The following CCDC39 variants were observed in gnomAD, a reference collection of about 807,000 sequenced individuals.
The protein encoded by CCDC39 is coiled-coil domain-containing protein 39.
In CCDC39, 113 loss-of-function variants were observed where a neutral mutation model predicts 121.0. The observed-to-expected ratio is 0.93, with a 90% confidence interval of 0.80 to 1.09. The LOEUF (loss-of-function observed/expected upper bound fraction) is 1.09, where lower values mean the gene tolerates loss of function less well. CCDC39 is among the 50% of genes least tolerant of loss of function. CCDC39 has a pLI of 0.00. For synonymous variants in CCDC39, 349 were observed against 352.2 expected, an observed-to-expected ratio of 0.99 and a Z score of 0.10; for missense variants, 1,063 against 1,074.7, an observed-to-expected ratio of 0.99 and a Z score of 0.15.
At chr3:180,644,326 T>C (rs2108420089) in intron 11 of CCDC39, 69 bp from the exon 12 acceptor site, 1 of 872,994 alleles carries the variant, frequency 1.1e-6, no homozygotes, top group Non-Finnish European at 1.7e-6. Flanking sequence ...ATACATGCTG[T>C]ATTATATATA....
rs1416217219 is a variant in CCDC39, at chr3:180,663,894, A to G, written c.183T>C (p.Asn61=). The G allele has an allele frequency of 6.2e-7, 1 of 1,612,834 alleles. No individual in the cohort carries two copies. The highest frequency in any genetic ancestry group is 8.5e-7 in the Non-Finnish European group (1 of 1,179,530). The change falls in exon 2 of 20, where the codon AAT becomes AAC. Residue 61 remains asparagine, a synonymous_variant. Transcript: ENST00000476379. Reference sequence around the variant, plus strand: ...GTGTAATTGAGAGCTCTTGCTTAACATTTTTGAAGTGAGAAGTCATAGAAT... The same window carrying G: ...GTGTAATTGAGAGCTCTTGCTTAACGTTTTTGAAGTGAGAAGTCATAGAAT... ...RINSMTSHFK[N]VKQELSITQS... is the part of the protein sequence containing the mutation.
At chr3:180,617,553 C>T (rs1397405228) in intron 16 of CCDC39, 2 of 599,322 alleles carry the variant, frequency 3.3e-6, no homozygotes, top group South Asian at 4.6e-5. Flanking sequence ...TATTGATGAT[C>T]CTGACCACGG....
rs375584305 is a variant in CCDC39, at chr3:180,632,158, ACTAC to A, written c.1875-570_1875-567del. Among the ~76,000 whole-genome samples, 68 of 152,364 alleles carry A rather than the reference ACTAC, an allele frequency of 4.5e-4. 2 individuals are homozygous for A. In the East Asian group the frequency reaches 0.011, roughly 25 times the overall value. ...CCTAACTTTTGCTCCAGAAGGAGAT[ACTAC>A]CTCTAGTTTCTGAGGCTGTTTGCTA... is the stretch of plus-strand genomic sequence containing the variant. On this transcript the variant is annotated intron_variant, in intron 13 of 19. Coordinates refer to ENST00000476379, the MANE Select transcript of CCDC39 (RefSeq NM_181426.2).
At chr3:180,652,872 C>CA (rs1349934227) in intron 7 of CCDC39, among the ~76,000 whole-genome samples, 8 of 151,738 alleles carry the variant, frequency 5.3e-5, no homozygotes, top group Middle Eastern at 6.8e-3. Flanking sequence ...ACAAGCAATC[C>CA]AAAAAAGAAA....
At chr3:180,642,254 C>A in intron 12 of CCDC39, 53 bp from the exon 13 acceptor site, 4 of 1,241,878 alleles carry the variant, frequency 3.2e-6, no homozygotes, top group East Asian at 2.6e-5. Flanking sequence ...ATTGCAAAAC[C>A]AAAATTTTTT....
intron 16 of CCDC39, among the ~76,000 whole-genome samples, chr3:180,618,159 A>G (rs1167572176): frequency 1.3e-5 from 2 of 152,198 alleles, no homozygotes; most frequent in Non-Finnish European, 2.9e-5. Flanking sequence ...GTACACTCTT[A>G]TGATGTTCAC....
rs1374101207 is a variant in CCDC39, at chr3:180,651,386, A to G, written c.1167+15T>C. 2 of 1,543,898 alleles carry G rather than the reference A, an allele frequency of 1.3e-6. No individual in the cohort carries two copies. Among genetic ancestry groups the G allele is most frequent in the Non-Finnish European group, 1.7e-6 (2 of 1,142,886 alleles). Reference sequence around the variant, plus strand: ...ATTTTCTGTGATTTAAAGAAAAATTAAAACTAAACTTTACCTTCACATCTT... The same window carrying G: ...ATTTTCTGTGATTTAAAGAAAAATTGAAACTAAACTTTACCTTCACATCTT... On this transcript the variant is annotated intron_variant, in intron 9 of 19. Coordinates refer to ENST00000476379, the MANE Select transcript of CCDC39 (RefSeq NM_181426.2).
intron 9 of CCDC39, among the ~76,000 whole-genome samples, chr3:180,648,868 G>A (rs1718134549): frequency 6.6e-6 from 1 of 152,034 alleles, no homozygotes; most frequent in Non-Finnish European, 1.5e-5. Flanking sequence ...CTCCCATTAT[G>A]GCCAATTTCC....
At chr3:180,634,706 G>A (rs1576938670) in intron 13 of CCDC39, among the ~76,000 whole-genome samples, 1 of 152,124 alleles carries the variant, frequency 6.6e-6, no homozygotes. Flanking sequence ...TGACTGTGAG[G>A]AAATATAGAG....
chr3:180,676,964 G>A (rs1406577960), intron 1 of CCDC39, among the ~76,000 whole-genome samples: 3 of 151,002 alleles, frequency 2.0e-5, no homozygotes, highest in African/African-American at 4.9e-5. Flanking sequence ...CTTGGATACA[G>A]GAAGGGGAAC....
At chr3:180,658,639 T>C (rs936571479) in intron 6 of CCDC39, among the ~76,000 whole-genome samples, 20 of 151,792 alleles carry the variant, frequency 1.3e-4, no homozygotes, top group Non-Finnish European at 1.9e-4. Flanking sequence ...ATAGTTAAGA[T>C]TGGTTCTCCT....
At chr3:180,617,960 GT>G (rs1311420731) in intron 16 of CCDC39, 1 of 152,962 alleles carries the variant, frequency 6.5e-6, no homozygotes, top group African/African-American at 2.4e-5. Context: ...TTTATGGTAA[GT>G]GCCCTGTACA....
At chr3:180,639,218 T>C (rs772307221) in intron 13 of CCDC39, among the ~76,000 whole-genome samples, 17 of 152,044 alleles carry the variant, frequency 1.1e-4, no homozygotes, top group Non-Finnish European at 2.1e-4. Context: ...ATTAGAAAAA[T>C]AAAAGAATTA....
At chr3:180,669,278 C>T (rs1314184943) in intron 1 of CCDC39, among the ~76,000 whole-genome samples, 1 of 152,062 alleles carries the variant, frequency 6.6e-6, no homozygotes. Context: ...GCAAAACATA[C>T]TACCACCACC....
rs1717176095 is a variant in CCDC39 at position 180,615,009 on chromosome 3, G to C, written c.2738C>G (p.Ala913Gly). 2.6e-6 allele frequency: 4 copies of C among 1,561,054 alleles called. No homozygotes were observed. In the South Asian group the frequency reaches 4.7e-5, roughly 18 times the overall value. Reference sequence around the variant, plus strand: ...AGGGCTGCCTACTAGTGAAGAGGAGGCCGGGAATTTAAGCTCCAGTACTTT... The same window carrying C: ...AGGGCTGCCTACTAGTGAAGAGGAGCCCGGGAATTTAAGCTCCAGTACTTT... ...SIKVLELKFP[A>G]SSSLVGSPSR... The change falls in exon 20 of 20, where the codon GCC becomes GGC. Residue 913 changes from alanine to glycine, a missense_variant. Coordinates refer to ENST00000476379, the MANE Select transcript of CCDC39 (RefSeq NM_181426.2).
In CCDC39 at chr3:180,614,058, T is replaced by C; in HGVS notation, c.*863A>G. On this transcript the variant is annotated 3_prime_UTR_variant, in exon 20 of 20. Coordinates refer to ENST00000476379, the MANE Select transcript of CCDC39 (RefSeq NM_181426.2). Reference sequence around the variant, plus strand: ...TCCAGTTTTATAATATTCCACACTCTATTCCAAGAGTACAAAGTGTTGGGC... The same window carrying C: ...TCCAGTTTTATAATATTCCACACTCCATTCCAAGAGTACAAAGTGTTGGGC... The C allele has an allele frequency of 3.3e-6, 1 of 303,112 alleles. No individual in the cohort carries two copies. Among genetic ancestry groups the C allele is most frequent in the South Asian group, 2.9e-5 (1 of 34,344 alleles). The allele number at this position is 303,112 out of a possible 1,614,324, so 18.8% of individuals were successfully genotyped here.
At chr3:180,670,335 G>A (rs1712004739) in intron 1 of CCDC39, among the ~76,000 whole-genome samples, 1 of 151,450 alleles carries the variant, frequency 6.6e-6, no homozygotes, top group Admixed American at 6.6e-5. Flanking sequence ...GTGTGTGTGT[G>A]TAATTAATTC....
At chr3:180,633,114 C>G in intron 13 of CCDC39, among the ~76,000 whole-genome samples, 1 of 152,176 alleles carries the variant, frequency 6.6e-6, no homozygotes, top group East Asian at 1.9e-4. Flanking sequence ...ATAGCTATTA[C>G]GCTCTTTACA....
intron 12 of CCDC39, 45 bp downstream of exon 12, chr3:180,644,075 G>A (rs1325532541): frequency 1.4e-6 from 2 of 1,409,980 alleles, no homozygotes; most frequent in African/African-American, 2.9e-5. Context: ...AATTAACATG[G>A]AAACATGGTT....
Sources: allele counts gnomAD v4.1 joint callset (sites outside exome capture counted in the v4.1 genomes callset), GRCh38; gene constraint gnomAD v4.1.1; transcripts MANE v1.5; gene names NCBI Gene and HGNC (gene_info 2026-07-23, HGNC 2026-07-21).